The following OPHN1 variants were observed in gnomAD, a reference collection of about 807,000 sequenced individuals.
OPHN1 encodes oligophrenin-1.
A neutral mutation model predicts 60.7 loss-of-function variants in OPHN1; 11 were observed. The ratio of observed to expected loss-of-function variants is 0.18; its 90% CI spans 0.11 to 0.30. The LOEUF (loss-of-function observed/expected upper bound fraction) is 0.30, where lower values mean the gene tolerates loss of function less well. Ranked by LOEUF, OPHN1 falls within the 10% of genes least tolerant of loss-of-function variation. The probability of loss-of-function intolerance (pLI) is 1.00; values close to 1 mark genes in which losing one functional copy is unlikely to be tolerated. For synonymous variants in OPHN1, 226 were observed against 222.6 expected, an observed-to-expected ratio of 1.02 and a Z score of -0.14; for missense variants, 449 against 611.0, an observed-to-expected ratio of 0.73 and a Z score of 2.80.
chrX:68,140,414 G>C, intron 15 of OPHN1, among the ~76,000 whole-genome samples: 1 of 111,954 alleles, frequency 8.9e-6, no homozygotes, highest in Non-Finnish European at 1.9e-5. Context: ...CTCTCCAGTA[G>C]TTACCACAAT....
chrX:68,329,075 G>A (rs1411050154), intron 2 of OPHN1, among the ~76,000 whole-genome samples: 1 of 111,055 alleles, frequency 9.0e-6, no homozygotes, highest in Non-Finnish European at 1.9e-5. Context: ...CCACCACCAC[G>A]CCCCGCTAAT....
At chrX:68,385,716 T>TAC (rs941576850) in intron 2 of OPHN1, among the ~76,000 whole-genome samples, 1 of 111,908 alleles carries the variant, frequency 8.9e-6, no homozygotes, top group African/African-American at 3.2e-5. Flanking sequence ...CTCACACATA[T>TAC]ACACACACAC....
intron 2 of OPHN1, among the ~76,000 whole-genome samples, chrX:68,421,207 C>G (rs966843819): frequency 1.8e-5 from 2 of 111,581 alleles, no homozygotes; most frequent in African/African-American, 6.5e-5. Context: ...ACTCTGCTTT[C>G]ATTGTTATCC....
intron 10 of OPHN1, among the ~76,000 whole-genome samples, chrX:68,202,136 C>T (rs909721647): frequency 1.3e-4 from 15 of 111,602 alleles, no homozygotes; most frequent in African/African-American, 4.9e-4. Context: ...CAGAGGGTAG[C>T]TGAGCAAAGA....
intron 5 of OPHN1, among the ~76,000 whole-genome samples, chrX:68,253,681 A>G (rs1164421044): frequency 8.9e-6 from 1 of 112,299 alleles, no homozygotes. Flanking sequence ...CTTACATCAT[A>G]TAGGCAGAAA....
intron 2 of OPHN1, among the ~76,000 whole-genome samples, chrX:68,351,148 C>T (rs1211118574): frequency 3.6e-5 from 4 of 110,749 alleles, no homozygotes; most frequent in Non-Finnish European, 5.7e-5. Context: ...AGGCTGGTCT[C>T]GAACTCCTGG....
chrX:68,194,352 G>T, intron 13 of OPHN1, 113 bp downstream of exon 13: 1 of 636,694 alleles, frequency 1.6e-6, no homozygotes, highest in Non-Finnish European at 2.6e-6. Flanking sequence ...TCACACAAAG[G>T]CATCCATATT....
At chrX:68,208,820 C>T (rs1280385064) in intron 9 of OPHN1, among the ~76,000 whole-genome samples, 1 of 111,838 alleles carries the variant, frequency 8.9e-6, no homozygotes, top group East Asian at 2.8e-4. Context: ...TTACTATGAG[C>T]ACAAAGTGAG....
At chrX:68,094,562 C>G (rs1286577922) in intron 19 of OPHN1, among the ~76,000 whole-genome samples, 1 of 111,356 alleles carries the variant, frequency 9.0e-6, no homozygotes, top group Admixed American at 9.6e-5. Context: ...GTATGTATCT[C>G]AATTTATCTA....
At chrX:68,241,922 A>G (rs1182582712) in intron 5 of OPHN1, among the ~76,000 whole-genome samples, 1 of 110,840 alleles carries the variant, frequency 9.0e-6, no homozygotes, top group Non-Finnish European at 1.9e-5. Flanking sequence ...ACTCCATCTC[A>G]AAAAAAGAAA....
intron 3 of OPHN1, among the ~76,000 whole-genome samples, chrX:68,290,260 G>A (rs1032732590): frequency 1.8e-5 from 2 of 111,017 alleles, no homozygotes; most frequent in Admixed American, 9.6e-5. Flanking sequence ...AGGAGTTCAC[G>A]ACCAGTCTGG....
At chrX:68,252,775 C>T (rs2077842438) in intron 5 of OPHN1, among the ~76,000 whole-genome samples, 2 of 111,283 alleles carry the variant, frequency 1.8e-5, no homozygotes, top group African/African-American at 3.3e-5. Context: ...CCTTACTTGC[C>T]TACTAATGCC....
intron 2 of OPHN1, among the ~76,000 whole-genome samples, chrX:68,313,662 A>G (rs2078184636): frequency 8.9e-6 from 1 of 111,769 alleles, no homozygotes; most frequent in South Asian, 3.8e-4. Flanking sequence ...ACTCATGAAG[A>G]TGGAGAGTTG....
intron 19 of OPHN1, among the ~76,000 whole-genome samples, chrX:68,087,891 C>T (rs1051761327): frequency 1.8e-5 from 2 of 111,625 alleles, no homozygotes; most frequent in Non-Finnish European, 3.8e-5. Flanking sequence ...TGGCACAGAC[C>T]ACATTAAACA....
At position 68,204,806 on chromosome X, in the gene OPHN1, T is replaced by C. The variant is rs996150772; in HGVS notation, c.933+1767A>G. Among the ~76,000 whole-genome samples the C allele has an allele frequency of 1.1e-4, 12 of 111,862 alleles. 1 individual carries two copies. Among genetic ancestry groups the C allele is most frequent in the Admixed American group, 2.9e-4 (3 of 10,510 alleles). ...AAACTAAAAGGAGGGCTTGCTGGCA[T>C]CTGTCAGGAGGATATGAAAGTGGTA... On this transcript the variant is annotated intron_variant, in intron 10 of 24. Transcript: ENST00000355520.
intron 2 of OPHN1, among the ~76,000 whole-genome samples, chrX:68,346,017 T>C (rs748082175): frequency 5.2e-4 from 58 of 111,434 alleles, no homozygotes; most frequent in African/African-American, 1.8e-3. Context: ...TAGTCCCAGC[T>C]ACTAGGGGGC....
intron 23 of OPHN1, among the ~76,000 whole-genome samples, 196 bp downstream of exon 23, chrX:68,052,344 A>G (rs1464339943): frequency 9.1e-6 from 1 of 110,268 alleles, no homozygotes; most frequent in African/African-American, 3.3e-5. Flanking sequence ...TATGAGAGAA[A>G]CAAATAGACA....
chrX:68,190,314 C>T lies in OPHN1; in HGVS notation c.1276+2605G>A, dbSNP rs1040944155. On this transcript the variant is annotated intron_variant, in intron 15 of 24. Transcript: ENST00000355520. ...ACTTTTCAATCCACTGCCCTAAACA[C>T]AATGATTGATGCCCGGGTAGGCACA... is the stretch of plus-strand genomic sequence containing the variant. 3.6e-5 allele frequency among the ~76,000 whole-genome samples: 4 copies of T among 112,324 alleles called. No homozygotes were observed. In the Admixed American group the frequency reaches 3.8e-4, roughly 11 times the overall value.
At chrX:68,132,872 A>T (rs1036599663) in intron 15 of OPHN1, 1 of 287,468 alleles carries the variant, frequency 3.5e-6, no homozygotes, top group South Asian at 6.8e-5. Context: ...GACCTGGCGA[A>T]CCAGGCGACG....
Sources: gnomAD v4.1 joint callset for allele counts (sites outside exome capture counted in the v4.1 genomes callset) on GRCh38, gnomAD v4.1.1 for gene constraint, MANE v1.5 for transcripts, NCBI Gene and HGNC (gene_info 2026-07-23, HGNC 2026-07-21) for gene names.